PRKN: variants seen among roughly 807,000 people sequenced by gnomAD.
PRKN encodes the protein parkin RBR E3 ubiquitin protein ligase, also known as E3 ubiquitin-protein ligase parkin.
A neutral mutation model predicts 59.5 loss-of-function variants in PRKN; 56 were observed. That is an observed-to-expected ratio of 0.94 (90% CI 0.76 to 1.18). PRKN has a LOEUF of 1.18. Among genes scored for constraint, PRKN ranks in the 50% most tolerant of loss-of-function variants. The pLI is 0.00. For missense variants in PRKN, 657 were observed against 596.4 expected (o/e 1.10, Z -1.06); for synonymous variants, 250 against 222.1 (o/e 1.13, Z -1.12).
chr6:162,155,630 G>A lies in PRKN; in HGVS notation c.534+45501C>T, dbSNP rs185619958. On this transcript the variant is annotated intron_variant, in intron 4 of 11. Transcript: ENST00000366898. Reference sequence around the variant, plus strand: ...ACATTCATAGTAAAGTCCATCAAGCGGAAAAGAACAGAACAGAATGGTCTC... The same window carrying A: ...ACATTCATAGTAAAGTCCATCAAGCAGAAAAGAACAGAACAGAATGGTCTC... Among the ~76,000 whole-genome samples the A allele has an allele frequency of 5.1e-4, 77 of 152,138 alleles. 1 individual carries two copies. The highest frequency in any genetic ancestry group is 3.7e-3 in the Admixed American group (57 of 15,280).
chr6:161,933,266 G>C (rs145706486), intron 6 of PRKN, among the ~76,000 whole-genome samples: 39 of 152,162 alleles, frequency 2.6e-4, no homozygotes, highest in Non-Finnish European at 4.9e-4. Context: ...GTGACAGAGC[G>C]AGACTCCGTT....
intron 1 of PRKN, among the ~76,000 whole-genome samples, chr6:162,530,741 C>T (rs1323328584): frequency 6.6e-6 from 1 of 152,070 alleles, no homozygotes; most frequent in African/African-American, 2.4e-5. Context: ...GACTCGCATC[C>T]TAAAATTTAA....
chr6:161,620,194 G>A (rs1471023596), intron 7 of PRKN, among the ~76,000 whole-genome samples: 1 of 150,580 alleles, frequency 6.6e-6, no homozygotes, highest in Non-Finnish European at 1.5e-5. Context: ...TAGAGATGGG[G>A]TTTCACCATG....
chr6:162,375,013 A>G (rs1785983813), intron 2 of PRKN, among the ~76,000 whole-genome samples: 1 of 152,156 alleles, frequency 6.6e-6, no homozygotes, highest in Non-Finnish European at 1.5e-5. Flanking sequence ...TAGTCAATGG[A>G]TAATCTAGTG....
chr6:162,100,454 C>CTTT (rs377594454), intron 4 of PRKN, among the ~76,000 whole-genome samples: 1 of 143,896 alleles, frequency 6.9e-6, no homozygotes, highest in Non-Finnish European at 1.5e-5. Flanking sequence ...TCTTTCTTGT[C>CTTT]TTTTTTTTTT....
In PRKN at chr6:161,527,909, C is replaced by T. The variant is rs542364689; in HGVS notation, c.1083+20945G>A. ...GCTCAGTTTACCCCAAGGCCACAGGCATTACTGCCTCCTTTAACACAGCAC... is the reference window on the plus strand; with the variant it reads ...GCTCAGTTTACCCCAAGGCCACAGGTATTACTGCCTCCTTTAACACAGCAC... On this transcript the variant is annotated intron_variant, in intron 9 of 11. Coordinates refer to ENST00000366898, the MANE Select transcript of PRKN (RefSeq NM_004562.3). The surrounding 1 kb of genome is among the most constrained non-coding windows in gnomAD (Gnocchi z 4.6). 6.6e-6 allele frequency among the ~76,000 whole-genome samples: 1 copy of T among 152,222 alleles called. No individual in the cohort carries two copies.
At position 161,455,353 on chromosome 6, in the gene PRKN, A is replaced by G. The variant is rs185998851; in HGVS notation, c.1084-68476T>C. On this transcript the variant is annotated intron_variant, in intron 9 of 11. Transcript: ENST00000366898. ...CGCCCGGCCTGACACGCTGTGTTCT[A>G]AACACCCAGCACAATGGCCAGCATG... Among the ~76,000 whole-genome samples the G allele has an allele frequency of 2.6e-3, 394 of 152,284 alleles. 4 individuals are homozygous for G. Among genetic ancestry groups the G allele is most frequent in the Admixed American group, 0.017 (263 of 15,302 alleles).
chr6:162,606,386 G>A (rs564779914), intron 1 of PRKN, among the ~76,000 whole-genome samples: 128 of 152,282 alleles, frequency 8.4e-4, no homozygotes, highest in African/African-American at 3.0e-3. Context: ...TTATAATAAA[G>A]TATTGAATAT....
intron 2 of PRKN, among the ~76,000 whole-genome samples, chr6:162,353,088 T>G (rs540073798): frequency 6.6e-6 from 1 of 152,156 alleles, no homozygotes; most frequent in Non-Finnish European, 1.5e-5. Context: ...ACTGCAAATG[T>G]TTTTAGAAGT....
intron 11 of PRKN, among the ~76,000 whole-genome samples, chr6:161,358,059 C>T (rs1250357413): frequency 3.3e-5 from 5 of 152,112 alleles, no homozygotes; most frequent in South Asian, 2.1e-4. Context: ...TTAGACACTT[C>T]GATGATTTTC....
At chr6:162,216,114 G>C (rs1777639535) in intron 3 of PRKN, among the ~76,000 whole-genome samples, 1 of 152,150 alleles carries the variant, frequency 6.6e-6, no homozygotes, top group Admixed American at 6.5e-5. Flanking sequence ...ACAGGATGGG[G>C]AATAGCTGCA....
chr6:161,820,852 C>T (rs911876796), intron 6 of PRKN, among the ~76,000 whole-genome samples: 4 of 151,270 alleles, frequency 2.6e-5, no homozygotes, highest in African/African-American at 7.3e-5. Flanking sequence ...ACATAGTATG[C>T]GTATGAAGAA....
intron 6 of PRKN, among the ~76,000 whole-genome samples, chr6:161,843,070 T>C: frequency 6.6e-6 from 1 of 152,206 alleles, no homozygotes; most frequent in East Asian, 1.9e-4. Flanking sequence ...TGTATTTAAA[T>C]TGGCTTCACC....
chr6:162,182,433 G>C (rs2226771), intron 4 of PRKN, among the ~76,000 whole-genome samples: 144,482 of 152,310 alleles, frequency 0.95, 68,896 homozygotes, highest in Middle Eastern at 0.98. Context: ...GTTGCCGTCA[G>C]GCTGAAGCCT....
At chr6:162,577,680 G>A (rs887410089) in intron 1 of PRKN, among the ~76,000 whole-genome samples, 4 of 152,078 alleles carry the variant, frequency 2.6e-5, no homozygotes. Context: ...TATAATCCCA[G>A]CACTTTGGGA....
At chr6:162,132,084 T>G (rs1781385515) in intron 4 of PRKN, among the ~76,000 whole-genome samples, 1 of 152,162 alleles carries the variant, frequency 6.6e-6, no homozygotes, top group African/African-American at 2.4e-5. Context: ...GAGGTTTGAG[T>G]TGACCCCTGA....
intron 4 of PRKN, among the ~76,000 whole-genome samples, chr6:162,199,833 T>C (rs1335121527): frequency 6.6e-6 from 1 of 152,108 alleles, no homozygotes; most frequent in African/African-American, 2.4e-5. Flanking sequence ...ATTTCTCCTT[T>C]ATTAGGTGGA....
chr6:161,422,173 C>T (rs1023741281), intron 9 of PRKN, among the ~76,000 whole-genome samples: 3 of 151,362 alleles, frequency 2.0e-5, no homozygotes, highest in South Asian at 2.1e-4. Flanking sequence ...CCAAAATAAC[C>T]GACTAAGGAA....
chr6:162,012,160 G>T (rs1782753195), intron 5 of PRKN, among the ~76,000 whole-genome samples: 1 of 152,078 alleles, frequency 6.6e-6, no homozygotes, highest in South Asian at 2.1e-4. Context: ...TTAGTCTGAT[G>T]CCAAAGCCCA....
Sources: gnomAD v4.1 joint callset for allele counts (sites outside exome capture counted in the v4.1 genomes callset) on GRCh38, gnomAD v4.1.1 for gene constraint, Gnocchi (gnomAD v3.1) non-coding constraint, MANE v1.5 for transcripts, NCBI Gene and HGNC (gene_info 2026-07-23, HGNC 2026-07-21) for gene names.